The following ITGB1 variants were observed in gnomAD, a reference collection of about 807,000 sequenced individuals.
The protein encoded by ITGB1 is integrin subunit beta 1.
In ITGB1, 24 loss-of-function variants were observed where a neutral mutation model predicts 86.5. The ratio of observed to expected loss-of-function variants is 0.28; its 90% confidence interval spans 0.20 to 0.39. The LOEUF (loss-of-function observed/expected upper bound fraction) is 0.39, where lower values mean the gene tolerates loss of function less well. ITGB1 is among the 10% of genes least tolerant of loss of function. ITGB1 has a pLI of 1.00. For missense variants in ITGB1, 556 were observed against 946.9 expected, an observed-to-expected ratio of 0.59 and a Z score of 5.42; for synonymous variants, 323 against 316.8, an observed-to-expected ratio of 1.02 and a Z score of -0.21.
intron 1 of ITGB1, among the ~76,000 whole-genome samples, chr10:32,945,395 G>A (rs181054955): frequency 4.6e-5 from 7 of 152,124 alleles, no homozygotes; most frequent in African/African-American, 7.2e-5. Context: ...TCAGGAGATC[G>A]AGACCATCCT....
chr10:32,930,321 A>C (rs2094979221), intron 3 of ITGB1, among the ~76,000 whole-genome samples: 1 of 152,192 alleles, frequency 6.6e-6, no homozygotes, highest in South Asian at 2.1e-4. Context: ...AATCAAAAGC[A>C]ATTTCTTTAG....
chr10:32,942,893 T>C (rs997880367), intron 1 of ITGB1, among the ~76,000 whole-genome samples: 11 of 151,622 alleles, frequency 7.3e-5, no homozygotes, highest in East Asian at 1.9e-4. Context: ...CTGGGCAACA[T>C]AGCAAAACTT....
At chr10:32,949,884 A>G (rs929774758) in intron 1 of ITGB1, among the ~76,000 whole-genome samples, 1 of 152,180 alleles carries the variant, frequency 6.6e-6, no homozygotes, top group African/African-American at 2.4e-5. Context: ...TAGAAACTTT[A>G]TATGGACTAT....
At chr10:32,948,194 T>G (rs896047011) in intron 1 of ITGB1, among the ~76,000 whole-genome samples, 1 of 152,192 alleles carries the variant, frequency 6.6e-6, no homozygotes, top group African/African-American at 2.4e-5. Context: ...CTTATTATAC[T>G]CTTTATAGAT....
chr10:32,939,170 T>C (rs1288780524), intron 1 of ITGB1, among the ~76,000 whole-genome samples: 1 of 152,208 alleles, frequency 6.6e-6, no homozygotes, highest in Non-Finnish European at 1.5e-5. Context: ...AGGTGATTCT[T>C]ATGCTGAGAA....
intron 1 of ITGB1, chr10:32,944,483 A>C (rs2095026575): frequency 2.6e-6 from 1 of 377,628 alleles, no homozygotes; most frequent in Admixed American, 3.6e-5. Context: ...AACACTGTGA[A>C]GCACCTCTCT....
At chr10:32,931,090 CA>C (rs2094981950) in intron 3 of ITGB1, among the ~76,000 whole-genome samples, 1 of 151,998 alleles carries the variant, frequency 6.6e-6, no homozygotes, top group African/African-American at 2.4e-5. Context: ...AGAGAAACAT[CA>C]TACTAATGAG....
Position 32,923,589 on chromosome 10 carries a change from T to C in ITGB1, c.938A>G (p.Tyr313Cys), listed in dbSNP as rs1354624433. Residue 313 changes from tyrosine (Y) to cysteine (C), a missense_variant, in exon 7 of 16, where the codon TAT becomes TGT. Coordinates refer to ENST00000302278, the MANE Select transcript of ITGB1 (RefSeq NM_002211.4). Reference sequence around the variant, plus strand: ...TGTAAGGAACCAGGCACTTACATAATAATGGCTCATTGTGTACATATTATT... The same window carrying C: ...TGTAAGGAACCAGGCACTTACATAACAATGGCTCATTGTGTACATATTATT... ...LENNMYTMSH[Y>C]YDYPSIAHLV... The C allele has an allele frequency of 6.2e-7, 1 of 1,611,182 alleles. No individual in the cohort carries two copies. Among genetic ancestry groups the C allele is most frequent in the Non-Finnish European group, 8.5e-7 (1 of 1,178,516 alleles).
At chr10:32,943,696 T>C (rs2095024575) in intron 1 of ITGB1, among the ~76,000 whole-genome samples, 1 of 152,032 alleles carries the variant, frequency 6.6e-6, no homozygotes, top group Non-Finnish European at 1.5e-5. Flanking sequence ...CAGTACCAGG[T>C]CATTGTTTTA....
intron 4 of ITGB1, among the ~76,000 whole-genome samples, chr10:32,929,050 T>C (rs1385836498): frequency 6.6e-6 from 1 of 152,072 alleles, no homozygotes; most frequent in Non-Finnish European, 1.5e-5. Context: ...AAAACTGACA[T>C]TTAGGTGGAC....
chr10:32,902,394 A>G (rs1000222337), intron 15 of ITGB1, among the ~76,000 whole-genome samples: 4 of 152,164 alleles, frequency 2.6e-5, no homozygotes, highest in African/African-American at 9.7e-5. Context: ...AGAAAAAAAC[A>G]TATCACTGTA....
intron 1 of ITGB1, chr10:32,944,409 C>T (rs1026870747): frequency 4.2e-5 from 13 of 309,698 alleles, no homozygotes; most frequent in African/African-American, 1.8e-4. Flanking sequence ...GGCGTCTACG[C>T]GGCAGCAGCC....
intron 11 of ITGB1, among the ~76,000 whole-genome samples, chr10:32,914,491 C>CA (rs906010576): frequency 5.3e-5 from 8 of 151,256 alleles, no homozygotes; most frequent in African/African-American, 2.0e-4. Flanking sequence ...AAATGGAAAA[C>CA]AAAAAAAGGC....
chr10:32,906,142 T>C (rs2488317), intron 15 of ITGB1, among the ~76,000 whole-genome samples: 52,074 of 151,990 alleles, frequency 0.34, 11,392 homozygotes, highest in Non-Finnish European at 0.5. Context: ...ATTCAAGAAA[T>C]TGATCTCAAA....
chr10:32,952,780 C>T (rs2095045074), intron 1 of ITGB1, among the ~76,000 whole-genome samples: 1 of 152,098 alleles, frequency 6.6e-6, no homozygotes. Context: ...CATCTCCTCA[C>T]CAACCACAAT....
chr10:32,917,687 G>T (rs2094936227), intron 11 of ITGB1, among the ~76,000 whole-genome samples: 1 of 152,098 alleles, frequency 6.6e-6, no homozygotes, highest in South Asian at 2.1e-4. Context: ...AAAAAGTCAG[G>T]AAAACAACAG....
In ITGB1 at chr10:32,941,991, G is replaced by A. The variant is rs751565989; in HGVS notation, c.1-6433C>T. ...ATCTCAGGAGATAAGTCAAGAGTTAGAGACACAGACATGAGAGTTGTCATA... is the reference window on the plus strand; with the variant it reads ...ATCTCAGGAGATAAGTCAAGAGTTAAAGACACAGACATGAGAGTTGTCATA... On this transcript the variant is annotated intron_variant, in intron 1 of 15. Transcript: ENST00000302278. Among the ~76,000 whole-genome samples, 10 of 152,194 alleles carry A rather than the reference G, an allele frequency of 6.6e-5. No homozygotes were observed. In the South Asian group the frequency reaches 1.2e-3, roughly 19 times the overall value.
chr10:32,915,969 A>C (rs1442317946), intron 11 of ITGB1, among the ~76,000 whole-genome samples: 2 of 152,210 alleles, frequency 1.3e-5, no homozygotes, highest in Non-Finnish European at 2.9e-5. Context: ...ATCCACCACA[A>C]TCAAGTTGGC....
intron 1 of ITGB1, among the ~76,000 whole-genome samples, chr10:32,949,623 G>A (rs1179821717): frequency 6.6e-6 from 1 of 152,010 alleles, no homozygotes; most frequent in Non-Finnish European, 1.5e-5. Context: ...TTCATTCCCT[G>A]AACAATAAAC....
Sources: allele counts gnomAD v4.1 joint callset (sites outside exome capture counted in the v4.1 genomes callset), GRCh38; gene constraint gnomAD v4.1.1; transcripts MANE v1.5; gene names NCBI Gene and HGNC (gene_info 2026-07-23, HGNC 2026-07-21).